PTPRG: variants seen among roughly 807,000 people sequenced by gnomAD.
The protein encoded by PTPRG is protein tyrosine phosphatase receptor type G.
A neutral mutation model predicts 165.3 loss-of-function variants in PTPRG; 102 were observed. The ratio of observed to expected loss-of-function variants is 0.62; its 90% CI spans 0.53 to 0.73. The LOEUF (loss-of-function observed/expected upper bound fraction) is 0.73, where lower values mean the gene tolerates loss of function less well. PTPRG is among the 30% of genes least tolerant of loss of function. The pLI, the probability that PTPRG is intolerant of heterozygous loss-of-function variation, is 0.00. For synonymous variants in PTPRG, 675 were observed against 669.5 expected (o/e 1.01, Z -0.13); for missense variants, 1,866 against 1,861.4 (o/e 1.00, Z -0.05).
intron 2 of PTPRG, among the ~76,000 whole-genome samples, chr3:61,968,889 C>G (rs1005993130): frequency 1.9e-4 from 29 of 152,242 alleles, no homozygotes; most frequent in Admixed American, 1.2e-3. Context: ...GGTAATGATT[C>G]TCATAGCTCA....
chr3:61,752,166 T>G (rs958455411), intron 2 of PTPRG, among the ~76,000 whole-genome samples: 3 of 152,180 alleles, frequency 2.0e-5, no homozygotes, highest in Non-Finnish European at 4.4e-5. Context: ...TTCTGAGAGC[T>G]GAACAAGTTA....
intron 1 of PTPRG, among the ~76,000 whole-genome samples, chr3:61,674,486 C>CAAAA (rs58334791): frequency 8.6e-5 from 5 of 57,958 alleles, no homozygotes; most frequent in African/African-American, 2.2e-4. Flanking sequence ...GACTCCATCT[C>CAAAA]AAAAAAAAAA....
intron 2 of PTPRG, among the ~76,000 whole-genome samples, chr3:61,965,977 C>G (rs1025877859): frequency 6.6e-6 from 1 of 152,194 alleles, no homozygotes; most frequent in African/African-American, 2.4e-5. Context: ...TCAGGACTCT[C>G]AAAGCAAACT....
At chr3:61,793,552 C>A (rs899384990) in intron 2 of PTPRG, among the ~76,000 whole-genome samples, 4 of 152,108 alleles carry the variant, frequency 2.6e-5, no homozygotes, top group Non-Finnish European at 2.9e-5. Context: ...TTATTTGAGT[C>A]AATTCCTTAT....
At chr3:62,148,819 G>T (rs1165695288) in intron 6 of PTPRG, among the ~76,000 whole-genome samples, 1 of 152,116 alleles carries the variant, frequency 6.6e-6, no homozygotes, top group Non-Finnish European at 1.5e-5. Context: ...TCTTCAGTGA[G>T]ATTTCCTCAC....
At chr3:61,577,825 A>G (rs1700201181) in intron 1 of PTPRG, among the ~76,000 whole-genome samples, 1 of 152,234 alleles carries the variant, frequency 6.6e-6, no homozygotes, top group Non-Finnish European at 1.5e-5. Flanking sequence ...TGTAGGGCTA[A>G]GAGAAACTCT....
intron 1 of PTPRG, among the ~76,000 whole-genome samples, chr3:61,587,655 T>C (rs573614088): frequency 7.9e-5 from 12 of 152,212 alleles, no homozygotes; most frequent in Admixed American, 6.5e-4. Context: ...TTTATCTTAT[T>C]TTATTTTATT....
At chr3:61,990,392 C>T (rs1325942961) in intron 3 of PTPRG, among the ~76,000 whole-genome samples, 2 of 152,194 alleles carry the variant, frequency 1.3e-5, no homozygotes, top group Non-Finnish European at 2.9e-5. Flanking sequence ...CTTCCGAGTA[C>T]AGATGAACTG....
intron 2 of PTPRG, among the ~76,000 whole-genome samples, chr3:61,981,074 G>C (rs960918362): frequency 6.6e-6 from 1 of 152,224 alleles, no homozygotes; most frequent in Admixed American, 6.5e-5. Context: ...GGCTGGGGAG[G>C]CCTCGGGGAA....
intron 4 of PTPRG, among the ~76,000 whole-genome samples, chr3:62,019,009 G>A (rs1430643482): frequency 1.3e-5 from 2 of 152,104 alleles, no homozygotes; most frequent in Non-Finnish European, 2.9e-5. Flanking sequence ...TGGTCTTTGG[G>A]GTCCCAGAAT....
chr3:62,059,519 G>A (rs1700736118), intron 4 of PTPRG, among the ~76,000 whole-genome samples: 1 of 152,200 alleles, frequency 6.6e-6, no homozygotes, highest in Admixed American at 6.5e-5. Context: ...TGTTTAGAAT[G>A]AGCTTAAAAA....
At chr3:61,906,147 T>G (rs919771958) in intron 2 of PTPRG, among the ~76,000 whole-genome samples, 2 of 151,876 alleles carry the variant, frequency 1.3e-5, no homozygotes, top group Non-Finnish European at 2.9e-5. Context: ...TTTAAGACCT[T>G]GGATTTAAAA....
intron 5 of PTPRG, chr3:62,118,511 A>G (rs556416076): frequency 6.6e-6 from 1 of 152,354 alleles, no homozygotes; most frequent in South Asian, 2.1e-4. Context: ...GAGAAGTGTT[A>G]GGAGCAAATT....
chr3:62,150,789 C>G (rs1402384355), intron 6 of PTPRG, among the ~76,000 whole-genome samples: 1 of 152,130 alleles, frequency 6.6e-6, no homozygotes, highest in Non-Finnish European at 1.5e-5. Context: ...GGGAATGCCT[C>G]AGGTTTTCTT....
chr3:62,231,381 G>T, intron 14 of PTPRG, 70 bp downstream of exon 14: 6 of 1,319,558 alleles, frequency 4.5e-6, no homozygotes, highest in Non-Finnish European at 6.1e-6. Flanking sequence ...TTTTTGTTTT[G>T]TTGCCATGGG....
chr3:61,991,228 C>T (rs970104009), intron 3 of PTPRG, among the ~76,000 whole-genome samples: 5 of 152,154 alleles, frequency 3.3e-5, no homozygotes, highest in African/African-American at 7.2e-5. Flanking sequence ...ATTTTTGAGA[C>T]GGAGTCTCAC....
rs147234760 is a variant in PTPRG at position 62,203,999 on chromosome 3, G to A, written c.2155+49G>A. On this transcript the variant is annotated intron_variant, in intron 12 of 29. Transcript: ENST00000474889. The surrounding 1 kb of genome is among the most constrained non-coding windows in gnomAD (Gnocchi z 6.4). ...AGGGTTCCTGCTCCTGTGAATAGTC[G>A]TACCCTTTTTCAAAAAATTGGGAGC... The A allele has an allele frequency of 3.9e-4, 590 of 1,502,706 alleles. 2 individuals are homozygous for A. The African/African-American group carries it at 6.8e-3, about 17-fold the overall frequency. 93.1% of individuals were successfully genotyped at this position (1,502,706 alleles called of 1,614,324 possible). A position where few individuals can be genotyped will look rare whatever the true frequency, so the allele number is the denominator to read the frequency against.
chr3:62,101,644 C>T (rs1041444311), intron 5 of PTPRG, among the ~76,000 whole-genome samples: 23 of 152,326 alleles, frequency 1.5e-4, no homozygotes, highest in African/African-American at 5.1e-4. Context: ...TTTCTTTCAT[C>T]GTTATCCTCA....
intron 1 of PTPRG, among the ~76,000 whole-genome samples, chr3:61,638,585 T>C (rs1211313615): frequency 7.4e-6 from 1 of 135,584 alleles, no homozygotes; most frequent in Admixed American, 8.2e-5. Context: ...CCACCATGCC[T>C]GGCTAGTTTT....
Sources: gnomAD v4.1 joint callset for allele counts (sites outside exome capture counted in the v4.1 genomes callset) on GRCh38, gnomAD v4.1.1 for gene constraint, Gnocchi (gnomAD v3.1) non-coding constraint, MANE v1.5 for transcripts, NCBI Gene and HGNC (gene_info 2026-07-23, HGNC 2026-07-21) for gene names.